WDR81: variants seen among roughly 807,000 people sequenced by gnomAD.
WDR81 encodes WD repeat domain 81, also known as WD repeat-containing protein 81.
In WDR81, 92 loss-of-function variants were observed where a neutral mutation model predicts 140.8. The ratio of observed to expected loss-of-function variants is 0.65; its 90% confidence interval spans 0.55 to 0.78. The LOEUF (loss-of-function observed/expected upper bound fraction) is 0.78. Among genes scored for constraint, WDR81 ranks in the 30% least tolerant of loss-of-function variants. The pLI is 0.00. For synonymous variants in WDR81, 1,183 were observed against 1,156.4 expected (o/e 1.02, Z -0.47); for missense variants, 2,502 against 2,636.4 (o/e 0.95, Z 1.12).
At position 1,734,152 on chromosome 17, in the gene WDR81, G is replaced by A; in HGVS notation, c.5115G>A (p.Gln1705=). ...QHRKSVFFVG[Q]LEAPQHVVSC... ...GCAAGAGCGTCTTCTTCGTGGGCCA[G>A]CTTGAGGCCCCGCAGCACGTGGTGA... The change falls in exon 7 of 10, where the codon CAG becomes CAA. Residue 1705 remains glutamine (Q), a synonymous_variant. Transcript: ENST00000409644. 1 of 1,598,758 alleles carries A rather than the reference G, an allele frequency of 6.3e-7. No individual in the cohort carries two copies. Among genetic ancestry groups the A allele is most frequent in the Non-Finnish European group, 8.5e-7 (1 of 1,179,630 alleles).
intron 7 of WDR81, among the ~76,000 whole-genome samples, chr17:1,734,747 C>A (rs1224460915): frequency 6.6e-6 from 1 of 150,590 alleles, no homozygotes; most frequent in African/African-American, 2.4e-5. Context: ...CCACTGCACT[C>A]CAGCCCGGGC....
chr17:1,726,768 C>G lies in WDR81; in HGVS notation c.1809C>G (p.Pro603=). 6.5e-7 allele frequency: 1 copy of G among 1,548,314 alleles called. No individual in the cohort carries two copies. ...AGAPALAPEP[P]LIPKLLVQTI... ...CTCCTGCCCTTGCCCCCGAGCCTCC[C>G]CTCATCCCCAAGCTGTTGGTCCAGA... The change falls in exon 1 of 10, where the codon CCC becomes CCG. Residue 603 remains proline (P), a synonymous_variant. Transcript: ENST00000409644.
Position 1,726,750 on chromosome 17 carries a change from C to T in WDR81, c.1791C>T (p.Ala597=). The T allele has an allele frequency of 6.5e-7, 1 of 1,547,814 alleles. No homozygotes were observed. Among genetic ancestry groups the T allele is most frequent in the Non-Finnish European group, 8.7e-7 (1 of 1,146,440 alleles). Residue 597 remains alanine, a synonymous_variant, in exon 1 of 10, where the codon GCC becomes GCT. Coordinates refer to ENST00000409644, the MANE Select transcript of WDR81 (RefSeq NM_001163809.2). ...PHPQRLAGAP[A]LAPEPPLIPK... ...CCCAGCGCCTGGCTGGGGCTCCTGC[C>T]CTTGCCCCCGAGCCTCCCCTCATCC...
At position 1,724,987 on chromosome 17, in the gene WDR81, G is replaced by T; in HGVS notation, c.28G>T (p.Gly10Cys). The T allele has an allele frequency of 6.8e-7, 1 of 1,462,436 alleles. No homozygotes were observed. The allele number at this position is 1,462,436 out of a possible 1,614,324, so 90.6% of individuals were successfully genotyped here. Residue 10 changes from glycine to cysteine, a missense_variant, in exon 1 of 10, where the codon GGC (glycine) becomes TGC (cysteine). Physicochemically the swap from Gly to Cys is radical, Grantham distance 159. Transcript: ENST00000409644. MAQGSGGRE[G>C]ALRTPAGGWH... is the part of the protein sequence containing the mutation. Reference sequence around the variant, plus strand: ...GGCCCAGGGCAGCGGGGGGCGGGAAGGCGCTCTCAGAACCCCGGCCGGGGG... The same window carrying T: ...GGCCCAGGGCAGCGGGGGGCGGGAATGCGCTCTCAGAACCCCGGCCGGGGG...
At chr17:1,723,630 C>T (rs1182359201), upstream of WDR81, among the ~76,000 whole-genome samples, 1 of 151,890 alleles carries the variant, frequency 6.6e-6, no homozygotes, top group Non-Finnish European at 1.5e-5. Context: ...GGACTACAGG[C>T]GCCCCCCACC....
chr17:1,724,209 C>T (rs1915051251), upstream of WDR81, among the ~76,000 whole-genome samples: 1 of 152,096 alleles, frequency 6.6e-6, no homozygotes, highest in African/African-American at 2.4e-5. Flanking sequence ...CTAAAAAATA[C>T]AAAAATTAGC....
At position 1,735,511 on chromosome 17, in the gene WDR81, G is replaced by A; in HGVS notation, c.5180-61G>A. On this transcript the variant is annotated intron_variant, in intron 7 of 9. Coordinates refer to ENST00000409644, the MANE Select transcript of WDR81 (RefSeq NM_001163809.2). The surrounding 1 kb of genome is among the most constrained non-coding windows in gnomAD (Gnocchi z 4.2). Reference sequence around the variant, plus strand: ...TGTGCGGTGAGTTGGGGGATTAGAAGCTCCCAGGGCTCTTCCGTCAGCTGC... The same window carrying A: ...TGTGCGGTGAGTTGGGGGATTAGAAACTCCCAGGGCTCTTCCGTCAGCTGC... 1 of 1,480,498 alleles carries A rather than the reference G, an allele frequency of 6.8e-7. No homozygotes were observed. The highest frequency in any genetic ancestry group is 9.0e-7 in the Non-Finnish European group (1 of 1,109,892). The allele number at this position is 1,480,498 out of a possible 1,614,324, so 91.7% of individuals were successfully genotyped here.
At position 1,725,262 on chromosome 17, in the gene WDR81, C is replaced by G. The variant is rs992231601; in HGVS notation, c.303C>G (p.Gly101=). ...GCTCTGTGCAAAGGCTGCCTGCCGG[C>G]TGGACGCGCGTGGAGGTGCATGGGC... ...LQRSVQRLPA[G]WTRVEVHGLR... The change falls in exon 1 of 10, where the codon GGC becomes GGG. Residue 101 remains glycine (G), a synonymous_variant. Coordinates refer to ENST00000409644, the MANE Select transcript of WDR81 (RefSeq NM_001163809.2). 1 of 1,544,612 alleles carries G rather than the reference C, an allele frequency of 6.5e-7. No individual in the cohort carries two copies. The highest frequency in any genetic ancestry group is 1.4e-5 in the African/African-American group (1 of 73,194).
At chr17:1,733,079 AGGTGGACTGGCGGTCCGCAGGAGCT>A in intron 6 of WDR81, 1 of 521,330 alleles carries the variant, frequency 1.9e-6, no homozygotes, top group Non-Finnish European at 3.3e-6. Flanking sequence ...AGAGTCAGGG[AGGTGGACTGGCGGTCCGCAGGAGCT>A]GGCGAGAGGG....
chr17:1,725,905 G>T lies in WDR81; in HGVS notation c.946G>T (p.Glu316Ter). 6.4e-7 allele frequency: 1 copy of T among 1,550,900 alleles called. No individual in the cohort carries two copies. Among genetic ancestry groups the T allele is most frequent in the Non-Finnish European group, 8.7e-7 (1 of 1,146,980 alleles). Residue 316 changes from glutamate to a stop codon, truncating the protein, a stop_gained, in exon 1 of 10, where the codon GAG (glutamate) becomes TAG (stop). Coordinates refer to ENST00000409644, the MANE Select transcript of WDR81 (RefSeq NM_001163809.2). LOFTEE classifies it high-confidence loss of function. ...YERPEEDENE[E>*]APVARDEAGI... The stretch of plus-strand genomic sequence containing the variant: ...GAGGCCCGAGGAGGACGAGAATGAG[G>T]AGGCCCCTGTGGCAAGGGATGAGGC...
chr17:1,730,703 C>CT, intron 2 of WDR81, 52 bp from the exon 3 acceptor site: 1 of 1,548,742 alleles, frequency 6.5e-7, no homozygotes, highest in Non-Finnish European at 8.7e-7. Flanking sequence ...CAGGGCCAGG[C>CT]TACCCCCGGC....
chr17:1,720,550 G>T (rs936394187), upstream of WDR81, among the ~76,000 whole-genome samples: 1 of 152,138 alleles, frequency 6.6e-6, no homozygotes. Flanking sequence ...GCGGAGGCGG[G>T]CGGATCATCT....
chr17:1,728,035 G>A lies in WDR81; in HGVS notation c.3076G>A (p.Ala1026Thr), dbSNP rs762749862. The A allele has an allele frequency of 2.6e-6, 4 of 1,554,604 alleles. No homozygotes were observed. Among genetic ancestry groups the A allele is most frequent in the Non-Finnish European group, 3.5e-6 (4 of 1,149,934 alleles). ...CTCCCAGGAGGAGAGCAAGGACCTG[G>A]CAGGGGCTGCTGAGGAGGAGGAGAG... ...EASQEESKDL[A>T]GAAEEEESGL... The change falls in exon 1 of 10, where the codon GCA (alanine) becomes ACA (threonine). Residue 1026 changes from alanine (A) to threonine (T), a missense_variant. Coordinates refer to ENST00000409644, the MANE Select transcript of WDR81 (RefSeq NM_001163809.2).
At position 1,725,047 on chromosome 17, in the gene WDR81, C is replaced by A. The variant is rs1022101431; in HGVS notation, c.88C>A (p.Leu30Met). 3 of 1,475,586 alleles carry A rather than the reference C, an allele frequency of 2.0e-6. No homozygotes were observed. The highest frequency in any genetic ancestry group is 1.8e-6 in the Non-Finnish European group (2 of 1,115,598). 91.4% of individuals were successfully genotyped at this position (1,475,586 alleles called of 1,614,324 possible). A position where few individuals can be genotyped will look rare whatever the true frequency, so the allele number is the denominator to read the frequency against. The change falls in exon 1 of 10, where the codon CTG becomes ATG. Residue 30 changes from leucine to methionine, a missense_variant. This residue lies in a region of WDR81 where 547 missense variants were observed against 513.8 expected (regional missense o/e 1.06). Transcript: ENST00000409644. The part of the protein sequence containing the change: ...HSPPSPDMQE[L>M]LRSVERDLSI... ...CCCGCCAAGCCCAGACATGCAGGAG[C>A]TGCTCCGGAGCGTGGAGAGGGACCT...
In WDR81 at chr17:1,737,636, G is replaced by A. The variant is rs765640328; in HGVS notation, c.5777G>A (p.Arg1926His). Residue 1926 changes from arginine (R) to histidine (H), a missense_variant, in exon 10 of 10, where the codon CGC becomes CAC. Physicochemically the swap from Arg to His is conservative, Grantham distance 29 (BLOSUM62 0). Transcript: ENST00000409644. ...AGCCTGGCCTTGCTGCCCACTAAAC[G>A]CCACCTCCTGCTGGGCTCAGACAAC... Reference protein sequence around the residue: ...LTSLALLPTKRHLLLGSDNGV... With the variant: ...LTSLALLPTKHHLLLGSDNGV... 1.6e-5 allele frequency: 25 copies of A among 1,612,294 alleles called. No homozygotes were observed. Among genetic ancestry groups the A allele is most frequent in the Non-Finnish European group, 1.8e-5 (21 of 1,179,948 alleles).
rs757292158 is a variant in WDR81, at chr17:1,736,160, G to C, written c.5447G>C (p.Arg1816Pro). The change falls in exon 9 of 10, where the codon CGC becomes CCC. Residue 1816 changes from arginine (R) to proline (P), a missense_variant. Physicochemically the swap from Arg to Pro is moderately radical, Grantham distance 103. This residue lies in a region of WDR81 where 1,737 missense variants were observed against 1,843.0 expected (regional missense o/e 0.94). Coordinates refer to ENST00000409644, the MANE Select transcript of WDR81 (RefSeq NM_001163809.2). Reference protein sequence around the residue: ...SSGFMVLLDTRTGLVLRGWPA... With the variant: ...SSGFMVLLDTPTGLVLRGWPA... ...GGCTTCATGGTGCTCCTGGACACCC[G>C]CACAGGCCTGGTTCTGCGAGGCTGG... The C allele has an allele frequency of 3.1e-6, 5 of 1,601,198 alleles. 1 individual carries two copies. The South Asian group carries it at 4.4e-5, about 14-fold the overall frequency.
upstream of WDR81, among the ~76,000 whole-genome samples, chr17:1,723,423 A>T (rs1443540962): frequency 6.8e-6 from 1 of 146,556 alleles, no homozygotes; most frequent in Non-Finnish European, 1.5e-5. Flanking sequence ...ATTTATTTTT[A>T]TTTATTTATT....
chr17:1,737,733 G>A lies in WDR81; in HGVS notation c.*48G>A, dbSNP rs375681186. 5.1e-5 allele frequency: 78 copies of A among 1,543,264 alleles called. No homozygotes were observed. Among genetic ancestry groups the A allele is most frequent in the East Asian group, 2.7e-4 (12 of 43,710 alleles). ...CAAGGGTGGGAAGACATCTGCGGGC[G>A]CGTGTCCACTCACCCTGTTCCCTGA... On this transcript the variant is annotated 3_prime_UTR_variant, in exon 10 of 10. Transcript: ENST00000409644.
At chr17:1,718,131 T>C (rs569477756) in intron 1 of WDR81, among the ~76,000 whole-genome samples, 1 of 152,004 alleles carries the variant, frequency 6.6e-6, no homozygotes, top group African/African-American at 2.4e-5. Context: ...TTTTTTTCTG[T>C]TTTTGAGACA....
Sources: allele counts gnomAD v4.1 joint callset (sites outside exome capture counted in the v4.1 genomes callset), GRCh38; gene constraint gnomAD v4.1.1; regional missense constraint gnomAD v4.1.1; non-coding constraint Gnocchi (gnomAD v3.1); transcripts MANE v1.5; gene names NCBI Gene and HGNC (gene_info 2026-07-23, HGNC 2026-07-21).